The following BNC2 variants were observed in gnomAD, a reference collection of about 807,000 sequenced individuals.
The protein encoded by BNC2 is basonuclin zinc finger protein 2, also known as zinc finger protein basonuclin-2.
A neutral mutation model predicts 76.3 loss-of-function variants in BNC2; 20 were observed. The observed-to-expected ratio is 0.26, with a 90% CI of 0.18 to 0.38. The LOEUF (loss-of-function observed/expected upper bound fraction) is 0.38. BNC2 is among the 10% of genes least tolerant of loss of function. The pLI is 1.00. For synonymous variants in BNC2, 582 were observed against 514.8 expected (o/e 1.13, Z -1.77); for missense variants, 1,382 against 1,399.8 (o/e 0.99, Z 0.20).
intron 3 of BNC2, among the ~76,000 whole-genome samples, chr9:16,631,309 C>T (rs1438744664): frequency 2.6e-5 from 4 of 152,034 alleles, no homozygotes; most frequent in Non-Finnish European, 4.4e-5. Flanking sequence ...CACTTAATTG[C>T]CAAAACACTC....
chr9:16,534,335 G>A (rs1013092382), intron 5 of BNC2, among the ~76,000 whole-genome samples: 4 of 152,112 alleles, frequency 2.6e-5, no homozygotes, highest in African/African-American at 7.2e-5. Context: ...ATCTAACTGT[G>A]CAACCTAATT....
At chr9:16,732,785 T>G (rs1824552946) in intron 2 of BNC2, among the ~76,000 whole-genome samples, 1 of 152,190 alleles carries the variant, frequency 6.6e-6, no homozygotes, top group Non-Finnish European at 1.5e-5. Context: ...TCCCTGTTCT[T>G]GCCAAAATAA....
At chr9:16,815,118 A>G (rs529217555) in intron 1 of BNC2, among the ~76,000 whole-genome samples, 1 of 152,320 alleles carries the variant, frequency 6.6e-6, no homozygotes, top group South Asian at 2.1e-4. Context: ...GCAGCTGCCC[A>G]AATTAAAGGA....
rs549471392 is a variant in BNC2 at position 16,667,993 on chromosome 9, A to C, written c.330+59804T>G. ...CATGGCACAAAGATTGGCATTTATCACATCAAGCAATTATTAGGTACGTTC... is the reference window on the plus strand; with the variant it reads ...CATGGCACAAAGATTGGCATTTATCCCATCAAGCAATTATTAGGTACGTTC... On this transcript the variant is annotated intron_variant, in intron 3 of 6. Transcript: ENST00000380672. 5.9e-5 allele frequency among the ~76,000 whole-genome samples: 9 copies of C among 152,296 alleles called. No homozygotes were observed. In the South Asian group the frequency reaches 1.2e-3, roughly 21 times the overall value.
intron 5 of BNC2, among the ~76,000 whole-genome samples, chr9:16,493,287 C>G (rs1469522082): frequency 6.6e-6 from 1 of 152,208 alleles, no homozygotes; most frequent in East Asian, 1.9e-4. Context: ...ACAGTTACAT[C>G]TACCTTATCT....
chr9:16,819,413 A>G (rs1054231421), intron 1 of BNC2, among the ~76,000 whole-genome samples: 8 of 152,346 alleles, frequency 5.3e-5, no homozygotes, highest in African/African-American at 1.7e-4. Context: ...CTGTAATCCC[A>G]GCACACTGGA....
intron 5 of BNC2, among the ~76,000 whole-genome samples, chr9:16,478,985 C>T: frequency 6.6e-6 from 1 of 152,194 alleles, no homozygotes; most frequent in Non-Finnish European, 1.5e-5. Context: ...GGCACGGTGG[C>T]TCACGCCTGT....
intron 4 of BNC2, chr9:16,579,706 T>C (rs1263549139): frequency 6.2e-6 from 1 of 160,950 alleles, no homozygotes; most frequent in East Asian, 1.8e-4. Flanking sequence ...TTTCTGTGTG[T>C]GTACATATAC....
At chr9:16,723,842 T>A (rs149506384) in intron 3 of BNC2, among the ~76,000 whole-genome samples, 1 of 152,080 alleles carries the variant, frequency 6.6e-6, no homozygotes, top group African/African-American at 2.4e-5. Flanking sequence ...AACTAACACA[T>A]CATGCTAATG....
chr9:16,455,337 T>C (rs1379387297), intron 5 of BNC2, among the ~76,000 whole-genome samples: 1 of 152,094 alleles, frequency 6.6e-6, no homozygotes, highest in African/African-American at 2.4e-5. Flanking sequence ...AATAAACACA[T>C]AGATACATGA....
chr9:16,816,481 C>G (rs1311339808), intron 1 of BNC2, among the ~76,000 whole-genome samples: 1 of 152,092 alleles, frequency 6.6e-6, no homozygotes, highest in African/African-American at 2.4e-5. Flanking sequence ...TGAGTTTGTT[C>G]TAGACAAACC....
In BNC2 at chr9:16,639,190, A is replaced by G. The variant is rs190946361; in HGVS notation, c.331-56105T>C. Reference sequence around the variant, plus strand: ...AGTTAATAAAGTATTCTTGGATGACACTTTAGGAGACATTTTATCAAAACC... The same window carrying G: ...AGTTAATAAAGTATTCTTGGATGACGCTTTAGGAGACATTTTATCAAAACC... On this transcript the variant is annotated intron_variant, in intron 3 of 6. Transcript: ENST00000380672. 1.3e-5 allele frequency among the ~76,000 whole-genome samples: 2 copies of G among 152,328 alleles called. 1 individual carries two copies. Among genetic ancestry groups the G allele is most frequent in the Admixed American group, 1.3e-4 (2 of 15,300 alleles).
chr9:16,815,255 T>C (rs771464854), intron 1 of BNC2, among the ~76,000 whole-genome samples: 3 of 152,186 alleles, frequency 2.0e-5, no homozygotes, highest in Middle Eastern at 6.8e-3. Context: ...AGGGTAAACA[T>C]AGATCAGATA....
At chr9:16,683,975 TG>T (rs1822901163) in intron 3 of BNC2, among the ~76,000 whole-genome samples, 1 of 152,208 alleles carries the variant, frequency 6.6e-6, no homozygotes, top group Non-Finnish European at 1.5e-5. Context: ...AGGTCCTTTC[TG>T]AACTATCAAC....
intron 1 of BNC2, among the ~76,000 whole-genome samples, chr9:16,755,874 T>C (rs1192158962): frequency 6.6e-6 from 1 of 152,206 alleles, no homozygotes; most frequent in Non-Finnish European, 1.5e-5. Flanking sequence ...CTTAGGAGTG[T>C]TTCCTTGGAG....
chr9:16,736,366 C>G (rs189631120), intron 2 of BNC2, among the ~76,000 whole-genome samples: 1 of 151,696 alleles, frequency 6.6e-6, no homozygotes, highest in African/African-American at 2.4e-5. Context: ...ATGCAATTTA[C>G]AAACCTAACA....
At chr9:16,718,044 G>A (rs1824039745) in intron 3 of BNC2, among the ~76,000 whole-genome samples, 1 of 152,212 alleles carries the variant, frequency 6.6e-6, no homozygotes, top group South Asian at 2.1e-4. Flanking sequence ...ATACACGCAT[G>A]AATGTGGCCC....
At chr9:16,682,520 A>C (rs1437911230) in intron 3 of BNC2, among the ~76,000 whole-genome samples, 3 of 152,076 alleles carry the variant, frequency 2.0e-5, no homozygotes, top group African/African-American at 7.2e-5. Context: ...GATCACGGTT[A>C]ATTACAATGC....
At chr9:16,513,749 G>T (rs1036283118) in intron 5 of BNC2, among the ~76,000 whole-genome samples, 1 of 152,184 alleles carries the variant, frequency 6.6e-6, no homozygotes, top group African/African-American at 2.4e-5. Flanking sequence ...AGGACCGTAG[G>T]TTGAAGACTG....
Sources: allele counts gnomAD v4.1 joint callset (sites outside exome capture counted in the v4.1 genomes callset), GRCh38; gene constraint gnomAD v4.1.1; transcripts MANE v1.5; gene names NCBI Gene and HGNC (gene_info 2026-07-23, HGNC 2026-07-21).